KRT85: variants seen among roughly 807,000 people sequenced by gnomAD.
The protein encoded by KRT85 is keratin 85, also known as keratin, type II cuticular Hb5.
A neutral mutation model predicts 53.7 loss-of-function variants in KRT85; 39 were observed. The ratio of observed to expected loss-of-function variants is 0.73; its 90% CI spans 0.56 to 0.95. The LOEUF is 0.95. Among genes scored for constraint, KRT85 ranks in the 40% least tolerant of loss-of-function variants. The pLI is 0.00. For synonymous variants in KRT85, 291 were observed against 277.5 expected (o/e 1.05, Z -0.48); for missense variants, 668 against 686.0 (o/e 0.97, Z 0.29).
rs915282557 is a variant in KRT85, at chr12:52,362,944, C to T, written c.987G>A (p.Gly329=). 1 of 1,614,132 alleles carries T rather than the reference C, an allele frequency of 6.2e-7. No individual in the cohort carries two copies. The highest frequency in any genetic ancestry group is 8.5e-7 in the Non-Finnish European group (1 of 1,180,024). ...EEMKATVIRH[G]ETLRRTKEEI... is the part of the protein sequence containing the mutation. ...CCTCCTTGGTGCGGCGCAGGGTCTC[C>T]CCATGCCTGATCACCGTGGCCTTCA... The change falls in exon 6 of 9, where the codon GGG becomes GGA. Residue 329 remains glycine (G), a synonymous_variant. Coordinates refer to ENST00000257901, the MANE Select transcript of KRT85 (RefSeq NM_002283.4).
At chr12:52,361,716 A>G (rs1939193507) in intron 7 of KRT85, among the ~76,000 whole-genome samples, 1 of 152,224 alleles carries the variant, frequency 6.6e-6, no homozygotes, top group South Asian at 2.1e-4. Flanking sequence ...TAAGATTATG[A>G]ACAGTGCCCC....
Position 52,363,240 on chromosome 12 carries a change from A to C in KRT85, c.951+6T>G. On this transcript the variant is annotated splice_donor_region_variant and intron_variant, in intron 5 of 8. Coordinates refer to ENST00000257901, the MANE Select transcript of KRT85 (RefSeq NM_002283.4). ...GCTTAGCAGGCAGGTGTCCTGTGCC[A>C]CTCACCTTGCTACGGTACCAGGACT... 6.2e-7 allele frequency: 1 copy of C among 1,613,816 alleles called. No homozygotes were observed. The highest frequency in any genetic ancestry group is 1.7e-5 in the Admixed American group (1 of 60,002).
chr12:52,364,096 G>A lies in KRT85; in HGVS notation c.758C>T (p.Ser253Phe). The A allele has an allele frequency of 6.2e-7, 1 of 1,614,006 alleles. No individual in the cohort carries two copies. Among genetic ancestry groups the A allele is most frequent in the Non-Finnish European group, 8.5e-7 (1 of 1,180,010 alleles). The change falls in exon 4 of 9, where the codon TCT (serine) becomes TTT (phenylalanine). Residue 253 changes from serine to phenylalanine, a missense_variant. Coordinates refer to ENST00000257901, the MANE Select transcript of KRT85 (RefSeq NM_002283.4). Reference sequence around the variant, plus strand: ...TTCATAGAGGCGCCTCAGGAAGCTAGACTCCTCCACCAGGGCCTCCACATT... The same window carrying A: ...TTCATAGAGGCGCCTCAGGAAGCTAAACTCCTCCACCAGGGCCTCCACATT... ...EANVEALVEE[S>F]SFLRRLYEEE... is the part of the protein sequence containing the mutation.
In KRT85 at chr12:52,367,145, C is replaced by T; in HGVS notation, c.261G>A (p.Val87=). 6.2e-7 allele frequency: 1 copy of T among 1,613,546 alleles called. No individual in the cohort carries two copies. The highest frequency in any genetic ancestry group is 8.5e-7 in the Non-Finnish European group (1 of 1,180,040). ...TGATGCATGGGGGGCTGGGTCCGCACACGCCCCCGGAGCGGTAGCCGAAGC... is the reference window on the plus strand; with the variant it reads ...TGATGCATGGGGGGCTGGGTCCGCATACGCCCCCGGAGCGGTAGCCGAAGC... ...GRSFGYRSGG[V]CGPSPPCITT... The change falls in exon 1 of 9, where the codon GTG becomes GTA. Residue 87 remains valine, a synonymous_variant. Coordinates refer to ENST00000257901, the MANE Select transcript of KRT85 (RefSeq NM_002283.4).
chr12:52,363,221 C>G, intron 5 of KRT85, 25 bp downstream of exon 5: 1 of 1,613,774 alleles, frequency 6.2e-7, no homozygotes. Context: ...CCATGCTTAG[C>G]AGGCAGGTGT....
In KRT85 at chr12:52,360,471, C is replaced by A; in HGVS notation, c.*382G>T. 1 of 259,280 alleles carries A rather than the reference C, an allele frequency of 3.9e-6. No homozygotes were observed. Among genetic ancestry groups the A allele is most frequent in the African/African-American group, 2.3e-5 (1 of 44,382 alleles). The allele number at this position is 259,280 out of a possible 1,614,324, so 16.1% of individuals were successfully genotyped here. The stretch of plus-strand genomic sequence containing the variant: ...TCCCTGATTCTCGGGTTGTGGGTGG[C>A]CTGGCTGGATGGTTAGGATGGCGCC... On this transcript the variant is annotated 3_prime_UTR_variant, in exon 9 of 9. Coordinates refer to ENST00000257901, the MANE Select transcript of KRT85 (RefSeq NM_002283.4).
At position 52,364,380 on chromosome 12, in the gene KRT85, A is replaced by G. The variant is rs767707717; in HGVS notation, c.630-14T>C. On this transcript the variant is annotated splice_polypyrimidine_tract_variant and intron_variant, in intron 2 of 8. Transcript: ENST00000257901. ...TCCTCTTCATACCTGGGTGTGGGAG[A>G]GAGAAGGTCTGGAGCTGAGAAACTG... The G allele has an allele frequency of 5.6e-6, 9 of 1,614,064 alleles. No individual in the cohort carries two copies. The Admixed American group carries it at 8.3e-5, about 15-fold the overall frequency.
intron 4 of KRT85, 30 bp downstream of exon 4, chr12:52,364,038 G>C: frequency 6.4e-7 from 1 of 1,562,190 alleles, no homozygotes; most frequent in Non-Finnish European, 8.8e-7. Flanking sequence ...CCCTCCACCT[G>C]CCCTGGCTGG....
At chr12:52,363,499 C>G (rs537447052) in intron 4 of KRT85, 89 bp from the exon 5 acceptor site, 1 of 1,430,622 alleles carries the variant, frequency 7.0e-7, no homozygotes, top group African/African-American at 1.4e-5. Flanking sequence ...CTTCCCAGAC[C>G]GGGCACTGGT....
chr12:52,362,595 G>A (rs1038031996), intron 6 of KRT85, 124 bp from the exon 7 acceptor site: 18 of 1,295,674 alleles, frequency 1.4e-5, no homozygotes, highest in Non-Finnish European at 1.7e-5. Context: ...TGGCCAGGTA[G>A]TTAATGGGGC....
In KRT85 at chr12:52,364,079, G is replaced by A; in HGVS notation, c.775C>T (p.Leu259Phe). ...AGTTGCCCCCTTACCTCTTCATAGA[G>A]GCGCCTCAGGAAGCTAGACTCCTCC... ...LVEESSFLRR[L>F]YEEEIRVLQA... The change falls in exon 4 of 9, where the codon CTC (leucine) becomes TTC (phenylalanine). Residue 259 changes from leucine (L) to phenylalanine (F), a missense_variant. Leu to Phe is a conservative substitution (Grantham distance 22). This residue lies in a region of KRT85 where 488 missense variants were observed against 498.1 expected (regional missense o/e 0.98). Transcript: ENST00000257901. 6.2e-7 allele frequency: 1 copy of A among 1,613,646 alleles called. No homozygotes were observed. Among genetic ancestry groups the A allele is most frequent in the Non-Finnish European group, 8.5e-7 (1 of 1,179,950 alleles).
rs148274330 is a variant in KRT85 at position 52,365,167 on chromosome 12, G to A, written c.424C>T (p.Arg142Cys). The A allele has an allele frequency of 1.2e-4, 190 of 1,614,066 alleles. No individual in the cohort carries two copies. Among genetic ancestry groups the A allele is most frequent in the Non-Finnish European group, 1.4e-4 (170 of 1,180,022 alleles). Reference protein sequence around the residue: ...SRFAAFIDKVRFLEQQNKLLE... With the variant: ...SRFAAFIDKVCFLEQQNKLLE... ...AGCTTGTTCTGCTGCTCCAGGAAGC[G>A]CACCTGCCATTCAGGTGGAAAGAAG... Residue 142 changes from arginine to cysteine, a missense_variant, in exon 2 of 9, where the codon CGC becomes TGC. Coordinates refer to ENST00000257901, the MANE Select transcript of KRT85 (RefSeq NM_002283.4).
Position 52,360,747 on chromosome 12 carries a change from T to C in KRT85, c.*106A>G. 1 of 1,290,842 alleles carries C rather than the reference T, an allele frequency of 7.7e-7. No homozygotes were observed. Among genetic ancestry groups the C allele is most frequent in the South Asian group, 1.2e-5 (1 of 84,096 alleles). The allele number at this position is 1,290,842 out of a possible 1,614,324, so 80.0% of individuals were successfully genotyped here. On this transcript the variant is annotated 3_prime_UTR_variant, in exon 9 of 9. Coordinates refer to ENST00000257901, the MANE Select transcript of KRT85 (RefSeq NM_002283.4). Reference sequence around the variant, plus strand: ...GTAGGTCTTTCCCTCTGTAGGAACATCCAGAAGATTCTGGAAGCAAGCACA... The same window carrying C: ...GTAGGTCTTTCCCTCTGTAGGAACACCCAGAAGATTCTGGAAGCAAGCACA...
In KRT85 at chr12:52,361,440, C is replaced by T. The variant is rs202198441; in HGVS notation, c.1330+27G>A. Reference sequence around the variant, plus strand: ...CTTTTCTATCAAAAAAGCCATTTTTCCAGGAGAATTTCAGGCAGATACTCA... The same window carrying T: ...CTTTTCTATCAAAAAAGCCATTTTTTCAGGAGAATTTCAGGCAGATACTCA... On this transcript the variant is annotated intron_variant, in intron 8 of 8. Transcript: ENST00000257901. 3.9e-3 allele frequency: 6,321 copies of T among 1,612,096 alleles called. 24 individuals are homozygous for T. Among genetic ancestry groups the T allele is most frequent in the Non-Finnish European group, 4.9e-3 (5,778 of 1,178,138 alleles).
Position 52,362,325 on chromosome 12 carries a change from C to G in KRT85, c.1224G>C (p.Glu408Asp). ...DMACLLKEYQ[E>D]VMNSKLGLDI... ...CCAGGCCCAGCTTGGAGTTCATCACCTCCTGGTACTCCTTGAGCAGGCAGG... is the reference window on the plus strand; with the variant it reads ...CCAGGCCCAGCTTGGAGTTCATCACGTCCTGGTACTCCTTGAGCAGGCAGG... The change falls in exon 7 of 9, where the codon GAG (glutamate) becomes GAC (aspartate). Residue 408 changes from glutamate to aspartate, a missense_variant. This residue lies in a region of KRT85 where 488 missense variants were observed against 498.1 expected (regional missense o/e 0.98). Transcript: ENST00000257901. 6.2e-7 allele frequency: 1 copy of G among 1,614,182 alleles called. No individual in the cohort carries two copies. Among genetic ancestry groups the G allele is most frequent in the Non-Finnish European group, 8.5e-7 (1 of 1,180,028 alleles).
intron 5 of KRT85, 130 bp downstream of exon 5, chr12:52,363,116 T>C: frequency 1.3e-6 from 2 of 1,554,394 alleles, no homozygotes; most frequent in Non-Finnish European, 1.8e-6. Flanking sequence ...CACTTCAACC[T>C]GAGAACTACT....
chr12:52,362,005 C>A (rs564362238), intron 7 of KRT85, among the ~76,000 whole-genome samples: 1 of 152,244 alleles, frequency 6.6e-6, no homozygotes, highest in Admixed American at 6.5e-5. Flanking sequence ...GAATTCTGAG[C>A]CTGCTTCTTT....
Position 52,364,329 on chromosome 12 carries a change from T to C in KRT85, c.667A>G (p.Asn223Asp). ...EEVALRATAE[N>D]EFVVLKKDVD... ...ACCTTCTTTAGAACGACAAACTCATTCTCTGCTGTGGCTCTCAGGGCCACC... is the reference window on the plus strand; with the variant it reads ...ACCTTCTTTAGAACGACAAACTCATCCTCTGCTGTGGCTCTCAGGGCCACC... The change falls in exon 3 of 9, where the codon AAT (asparagine) becomes GAT (aspartate). Residue 223 changes from asparagine to aspartate, a missense_variant. Around this residue, in one of 3 missense-constraint regions of KRT85, gnomAD observed 488 missense variants for 498.1 expected, o/e 0.98. Transcript: ENST00000257901. 6.2e-7 allele frequency: 1 copy of C among 1,614,052 alleles called. No homozygotes were observed.
rs949739768 is a variant in KRT85 at position 52,360,733 on chromosome 12, C to T, written c.*120G>A. ...GGGTCTTTCCCTCTGTAGGTCTTTC[C>T]CTCTGTAGGAACATCCAGAAGATTC... is the stretch of plus-strand genomic sequence containing the variant. On this transcript the variant is annotated 3_prime_UTR_variant, in exon 9 of 9. Transcript: ENST00000257901. 1.7e-6 allele frequency: 2 copies of T among 1,199,210 alleles called. No homozygotes were observed. Among genetic ancestry groups the T allele is most frequent in the South Asian group, 1.2e-5 (1 of 81,424 alleles). 74.3% of individuals were successfully genotyped at this position (1,199,210 alleles called of 1,614,324 possible).
Sources: gnomAD v4.1 joint callset for allele counts (sites outside exome capture counted in the v4.1 genomes callset) on GRCh38, gnomAD v4.1.1 for gene constraint, gnomAD v4.1.1 regional missense constraint, MANE v1.5 for transcripts, NCBI Gene and HGNC (gene_info 2026-07-23, HGNC 2026-07-21) for gene names.